SLC30A8: variants seen among roughly 807,000 people sequenced by gnomAD.
SLC30A8 encodes solute carrier family 30 member 8, also known as proton-coupled zinc antiporter SLC30A8.
SLC30A8 carries 27 observed loss-of-function variants against 36.9 expected under a neutral mutation model. The ratio of observed to expected loss-of-function variants is 0.73; its 90% CI spans 0.54 to 1.01. The LOEUF is 1.01. Ranked by LOEUF, SLC30A8 falls within the 50% of genes least tolerant of loss-of-function variation. The pLI is 0.00. For missense variants in SLC30A8, 439 were observed against 452.0 expected, an observed-to-expected ratio of 0.97 and a Z score of 0.26; for synonymous variants, 164 against 172.4, an observed-to-expected ratio of 0.95 and a Z score of 0.38.
chr8:117,153,728 GTGT>G (rs1563630751), intron 3 of SLC30A8, among the ~76,000 whole-genome samples: 1 of 149,884 alleles, frequency 6.7e-6, no homozygotes, highest in African/African-American at 2.4e-5. Context: ...TAAGGGGTGT[GTGT>G]GTGTGTGTGT....
At chr8:117,162,234 T>C (rs1311787820) in intron 5 of SLC30A8, among the ~76,000 whole-genome samples, 2 of 152,226 alleles carry the variant, frequency 1.3e-5, no homozygotes, top group South Asian at 2.1e-4. Context: ...ATCCAACTTC[T>C]GTCCCAGACA....
chr8:117,119,280 T>C (rs1390981378), intron 2 of SLC30A8, among the ~76,000 whole-genome samples: 2 of 151,948 alleles, frequency 1.3e-5, no homozygotes, highest in Admixed American at 1.3e-4. Flanking sequence ...TTAGTTCATC[T>C]GTTTTATGTT....
At chr8:117,112,997 A>G (rs1417728723) in intron 2 of SLC30A8, among the ~76,000 whole-genome samples, 1 of 152,152 alleles carries the variant, frequency 6.6e-6, no homozygotes. Flanking sequence ...TTCAGTCAAC[A>G]TCTATTTATC....
At chr8:117,094,124 G>A (rs947120183) in intron 2 of SLC30A8, among the ~76,000 whole-genome samples, 2 of 152,218 alleles carry the variant, frequency 1.3e-5, no homozygotes, top group African/African-American at 4.8e-5. Flanking sequence ...CCCTAGGTTC[G>A]GGCTCCCCGA....
intron 1 of SLC30A8, among the ~76,000 whole-genome samples, chr8:117,023,717 G>A (rs982412015): frequency 1.4e-5 from 2 of 140,320 alleles, no homozygotes; most frequent in African/African-American, 2.7e-5. Context: ...ACCAGGGCCT[G>A]TTGTGGGGTG....
At chr8:117,157,664 G>A (rs1266929210) in intron 3 of SLC30A8, 27 bp from the exon 4 acceptor site, 8 of 1,612,834 alleles carry the variant, frequency 5.0e-6, no homozygotes, top group Non-Finnish European at 6.8e-6. Context: ...TCTGTGTGTG[G>A]GTTTCTGTGT....
chr8:117,097,396 CAAAAAA>C (rs1157294543), intron 2 of SLC30A8, among the ~76,000 whole-genome samples: 24 of 25,040 alleles, frequency 9.6e-4, no homozygotes, highest in South Asian at 3.5e-3. Context: ...GACTCCATCT[CAAAAAA>C]AAAAAAAAAA....
chr8:116,984,818 T>C (rs1815385712), intron 1 of SLC30A8, among the ~76,000 whole-genome samples: 1 of 152,128 alleles, frequency 6.6e-6, no homozygotes, highest in Admixed American at 6.6e-5. Flanking sequence ...CTTTTTATTC[T>C]CTTCCCTGGA....
In SLC30A8 at chr8:117,152,984, T is replaced by G. The variant is rs1377528598; in HGVS notation, c.312T>G (p.Ala104=). Residue 104 remains alanine (A), a synonymous_variant, in exon 3 of 8, where the codon GCT becomes GCG. Coordinates refer to ENST00000456015, the MANE Select transcript of SLC30A8 (RefSeq NM_173851.3). ...GGAGTCTTGCTGTTGTCACAGATGC[T>G]GCCCACCTCTTAATTGACCTGACCA... ...IAGSLAVVTD[A]AHLLIDLTSF... The G allele has an allele frequency of 1.9e-6, 3 of 1,613,306 alleles. No individual in the cohort carries two copies. In the South Asian group the frequency reaches 3.3e-5, roughly 18 times the overall value.
In SLC30A8 at chr8:117,135,098, A is replaced by G. The variant is rs1407118339; in HGVS notation, c.-230A>G. ...TGCTACCTGCAAGTCTCCCTAGAAA[A>G]GCAGTTTTTGTAGGTGAAAACAATG... On this transcript the variant is annotated 5_prime_UTR_variant, in exon 1 of 8. Transcript: ENST00000456015. The G allele has an allele frequency of 1.0e-5, 4 of 381,420 alleles. No individual in the cohort carries two copies. The highest frequency in any genetic ancestry group is 2.1e-5 in the African/African-American group (1 of 48,490). 23.6% of individuals were successfully genotyped at this position (381,420 alleles called of 1,614,324 possible). A position where few individuals can be genotyped will look rare whatever the true frequency, so the allele number is the denominator to read the frequency against.
intron 1 of SLC30A8, among the ~76,000 whole-genome samples, chr8:116,960,676 A>G (rs1490745945): frequency 6.6e-6 from 1 of 152,218 alleles, no homozygotes; most frequent in African/African-American, 2.4e-5. Context: ...AATTGACTAA[A>G]TATATTTGGA....
At chr8:117,112,153 C>T (rs1820254254) in intron 2 of SLC30A8, among the ~76,000 whole-genome samples, 1 of 152,116 alleles carries the variant, frequency 6.6e-6, no homozygotes, top group Non-Finnish European at 1.5e-5. Context: ...GTGAAGATAT[C>T]ACCTCATGGG....
intron 1 of SLC30A8, among the ~76,000 whole-genome samples, chr8:117,037,821 T>A (rs1447404613): frequency 2.6e-5 from 4 of 152,210 alleles, no homozygotes; most frequent in Admixed American, 6.5e-5. Flanking sequence ...CTTCCGCAGA[T>A]GCATTCTGTG....
At chr8:117,134,856 A>C (rs1821284500), upstream of SLC30A8, 1 of 152,206 alleles carries the variant, frequency 6.6e-6, no homozygotes, top group South Asian at 2.1e-4. Context: ...CAAAGAAATA[A>C]TTTTAGGCTG....
At chr8:117,118,195 C>CA (rs1174437529) in intron 2 of SLC30A8, among the ~76,000 whole-genome samples, 1 of 146,120 alleles carries the variant, frequency 6.8e-6, no homozygotes, top group Non-Finnish European at 1.5e-5. Flanking sequence ...AAAAAAAAAC[C>CA]AAAAAACAAA....
intron 2 of SLC30A8, among the ~76,000 whole-genome samples, chr8:117,065,267 T>C (rs918826176): frequency 6.6e-6 from 1 of 152,126 alleles, no homozygotes; most frequent in African/African-American, 2.4e-5. Context: ...CTATGCTTAG[T>C]GAGATTGGGT....
chr8:117,046,710 C>T (rs549006415), intron 2 of SLC30A8, among the ~76,000 whole-genome samples: 1 of 152,310 alleles, frequency 6.6e-6, no homozygotes, highest in South Asian at 2.1e-4. Context: ...CTGTGTCCTT[C>T]TCTCAAGATC....
intron 1 of SLC30A8, among the ~76,000 whole-genome samples, chr8:117,015,170 A>T (rs1292065125): frequency 6.6e-6 from 1 of 152,078 alleles, no homozygotes; most frequent in Non-Finnish European, 1.5e-5. Context: ...CTTTCTATCA[A>T]CCATAAAACT....
chr8:117,122,062 G>T (rs2130903240), intron 2 of SLC30A8, among the ~76,000 whole-genome samples: 1 of 152,004 alleles, frequency 6.6e-6, no homozygotes, highest in Non-Finnish European at 1.5e-5. Context: ...GGAAATCAGG[G>T]TATTAGAGTG....
Sources: gnomAD v4.1 joint callset for allele counts (sites outside exome capture counted in the v4.1 genomes callset) on GRCh38, gnomAD v4.1.1 for gene constraint, MANE v1.5 for transcripts, NCBI Gene and HGNC (gene_info 2026-07-23, HGNC 2026-07-21) for gene names.